WWP2: variants seen among roughly 807,000 people sequenced by gnomAD.
The protein encoded by WWP2 is NEDD4-like E3 ubiquitin-protein ligase WWP2.
In WWP2, 57 loss-of-function variants were observed where a neutral mutation model predicts 121.0. That is an observed-to-expected ratio of 0.47 (90% CI 0.38 to 0.59). WWP2 has a LOEUF of 0.59. Ranked by LOEUF, WWP2 falls within the 20% of genes least tolerant of loss-of-function variation. WWP2 has a pLI of 0.00. For synonymous variants in WWP2, 449 were observed against 441.3 expected, an observed-to-expected ratio of 1.02 and a Z score of -0.22; for missense variants, 962 against 1,158.9, an observed-to-expected ratio of 0.83 and a Z score of 2.47.
At chr16:69,833,428 A>G (rs934615927) in intron 4 of WWP2, among the ~76,000 whole-genome samples, 5 of 152,006 alleles carry the variant, frequency 3.3e-5, no homozygotes, top group East Asian at 1.9e-4. Context: ...GTGTGGTGAT[A>G]TGTGTTTCCA....
chr16:69,936,461 C>G lies in WWP2; in HGVS notation c.2117+9C>G, dbSNP rs764830430. On this transcript the variant is annotated intron_variant, in intron 19 of 23. Coordinates refer to ENST00000359154, the MANE Select transcript of WWP2 (RefSeq NM_001270454.2). ...AAGGAAGAGTACATCATGTGAGTCT[C>G]AGGCGCCGGGGGCTCCGCTCCAGGG... is the stretch of plus-strand genomic sequence containing the variant. 1.2e-6 allele frequency: 2 copies of G among 1,613,850 alleles called. No homozygotes were observed. The highest frequency in any genetic ancestry group is 2.2e-5 in the South Asian group (2 of 91,068).
chr16:69,902,024 T>C (rs1433423900), intron 8 of WWP2, among the ~76,000 whole-genome samples: 2 of 152,240 alleles, frequency 1.3e-5, no homozygotes, highest in African/African-American at 4.8e-5. Flanking sequence ...TAATCCCTTT[T>C]AGCTTAATCC....
At chr16:69,818,251 A>T (rs2056532224) in intron 4 of WWP2, among the ~76,000 whole-genome samples, 1 of 151,852 alleles carries the variant, frequency 6.6e-6, no homozygotes, top group Non-Finnish European at 1.5e-5. Context: ...TCTGTTGCCC[A>T]GACTGGAGTG....
intron 6 of WWP2, among the ~76,000 whole-genome samples, chr16:69,849,484 T>TTCATTCAC (rs2057159756): frequency 6.7e-6 from 1 of 149,804 alleles, no homozygotes; most frequent in African/African-American, 2.5e-5. Flanking sequence ...TATTTATTTA[T>TTCATTCAC]TCATTCATTC....
At chr16:69,850,608 C>T (rs1019272229) in intron 6 of WWP2, among the ~76,000 whole-genome samples, 1 of 152,010 alleles carries the variant, frequency 6.6e-6, no homozygotes, top group African/African-American at 2.4e-5. Flanking sequence ...TTTGCCAGAC[C>T]GACGAAGTGG....
intron 1 of WWP2, among the ~76,000 whole-genome samples, chr16:69,781,014 C>CTAGA (rs767615663): frequency 3.9e-5 from 6 of 151,988 alleles, no homozygotes; most frequent in Non-Finnish European, 8.8e-5. Context: ...GGTGACAGGG[C>CTAGA]TAGACCCTGT....
At chr16:69,933,690 A>G (rs534165400) in intron 16 of WWP2, among the ~76,000 whole-genome samples, 12 of 152,186 alleles carry the variant, frequency 7.9e-5, no homozygotes, top group Non-Finnish European at 1.5e-4. Flanking sequence ...ATTGTGATGT[A>G]AAGTCTTGGA....
intron 9 of WWP2, among the ~76,000 whole-genome samples, chr16:69,915,814 G>A (rs942443259): frequency 6.6e-6 from 1 of 152,086 alleles, no homozygotes; most frequent in Non-Finnish European, 1.5e-5. Flanking sequence ...CGAGAGGATT[G>A]CTTGAGCCCA....
At chr16:69,897,894 T>G (rs1008527574) in intron 8 of WWP2, among the ~76,000 whole-genome samples, 1 of 151,526 alleles carries the variant, frequency 6.6e-6, no homozygotes, top group East Asian at 1.9e-4. Context: ...GGCGACAGAG[T>G]GAGACTCCAT....
intron 4 of WWP2, among the ~76,000 whole-genome samples, chr16:69,801,256 GT>G (rs890196348): frequency 6.8e-6 from 1 of 147,730 alleles, no homozygotes; most frequent in Admixed American, 6.8e-5. Flanking sequence ...TTTGAGACAG[GT>G]TTCTCACTTT....
intron 8 of WWP2, among the ~76,000 whole-genome samples, chr16:69,902,661 G>A (rs779904131): frequency 1.3e-5 from 2 of 152,220 alleles, no homozygotes; most frequent in Non-Finnish European, 2.9e-5. Context: ...TTTAATCTCA[G>A]TGTGAAGGAG....
chr16:69,783,535 A>G (rs1174779497), intron 1 of WWP2, among the ~76,000 whole-genome samples: 1 of 152,060 alleles, frequency 6.6e-6, no homozygotes, highest in African/African-American at 2.4e-5. Context: ...CAATACAGCC[A>G]GACCCTGTGT....
intron 8 of WWP2, among the ~76,000 whole-genome samples, chr16:69,893,271 A>G (rs911518250): frequency 2.6e-5 from 4 of 152,196 alleles, no homozygotes; most frequent in African/African-American, 9.7e-5. Context: ...CCTCTCTGCT[A>G]TTCTTGGCTC....
At chr16:69,807,296 T>C (rs1034766165) in intron 4 of WWP2, among the ~76,000 whole-genome samples, 5 of 152,112 alleles carry the variant, frequency 3.3e-5, no homozygotes, top group African/African-American at 7.2e-5. Flanking sequence ...CAGTCTCCCA[T>C]ACTGCCGGGA....
intron 10 of WWP2, among the ~76,000 whole-genome samples, chr16:69,923,791 G>A (rs1458936691): frequency 6.6e-6 from 1 of 152,164 alleles, no homozygotes; most frequent in East Asian, 1.9e-4. Flanking sequence ...TGTAGAATAC[G>A]TGTGTTTTCT....
intron 8 of WWP2, among the ~76,000 whole-genome samples, chr16:69,904,566 T>C (rs993929184): frequency 1.3e-5 from 2 of 152,088 alleles, no homozygotes; most frequent in Admixed American, 6.6e-5. Flanking sequence ...AGATGGGATC[T>C]TGCTATGTTG....
intron 7 of WWP2, among the ~76,000 whole-genome samples, chr16:69,880,983 C>CT (rs1057442964): frequency 4.6e-5 from 7 of 151,968 alleles, no homozygotes; most frequent in African/African-American, 1.4e-4. Flanking sequence ...AATTCCTGAT[C>CT]TTTTTTTTGG....
Position 69,931,566 on chromosome 16 carries a change from G to C in WWP2, c.1579G>C (p.Asp527His). Residue 527 changes from aspartate (D) to histidine (H), a missense_variant, in exon 15 of 24, where the codon GAT becomes CAT. Physicochemically the swap from Asp to His is moderately conservative, Grantham distance 81 (BLOSUM62 -1). Transcript: ENST00000359154. ...CGTTTCCAGGCAGACGCTTTTCGAA[G>C]ATTCCTTCCAACAGGTTAGATCATG... ...ISVSRQTLFEDSFQQIMNMKP... is the reference protein window; with the variant it reads ...ISVSRQTLFEHSFQQIMNMKP... 6.2e-7 allele frequency: 1 copy of C among 1,613,612 alleles called. No homozygotes were observed. Among genetic ancestry groups the C allele is most frequent in the East Asian group, 2.2e-5 (1 of 44,856 alleles).
At chr16:69,842,476 C>T (rs953111056) in intron 6 of WWP2, among the ~76,000 whole-genome samples, 21 of 151,962 alleles carry the variant, frequency 1.4e-4, no homozygotes, top group African/African-American at 5.1e-4. Flanking sequence ...AATTCTTGCT[C>T]CTCTCCCTCC....
Sources: allele counts gnomAD v4.1 joint callset (sites outside exome capture counted in the v4.1 genomes callset), GRCh38; gene constraint gnomAD v4.1.1; transcripts MANE v1.5; gene names NCBI Gene and HGNC (gene_info 2026-07-23, HGNC 2026-07-21).